The following THSD7A variants were observed in gnomAD, a reference collection of about 807,000 sequenced individuals.
THSD7A encodes thrombospondin type 1 domain containing 7A, also known as thrombospondin type-1 domain-containing protein 7A.
A neutral mutation model predicts 231.3 loss-of-function variants in THSD7A; 96 were observed. That is an observed-to-expected ratio of 0.41 (90% confidence interval 0.35 to 0.49). THSD7A has a LOEUF of 0.49. THSD7A is among the 20% of genes least tolerant of loss of function. THSD7A has a pLI of 0.05. For missense variants in THSD7A, 2,290 were observed against 2,070.2 expected (o/e 1.11, Z -2.06); for synonymous variants, 940 against 743.3 (o/e 1.26, Z -4.30).
intron 2 of THSD7A, among the ~76,000 whole-genome samples, chr7:11,628,878 G>T (rs1302985278): frequency 1.3e-5 from 2 of 152,074 alleles, no homozygotes; most frequent in Non-Finnish European, 2.9e-5. Flanking sequence ...AAACTCACAG[G>T]GGTTAATTCA....
Position 11,370,762 on chromosome 7 carries a change from ATAAT to A in THSD7A, c.*5028_*5031del, listed in dbSNP as rs1235189204. ...ACATAAAATACACATTTAGGGAATA[ATAAT>A]TTATAGAAAGACAGATTGCAAATTT... On this transcript the variant is annotated 3_prime_UTR_variant, in exon 28 of 28. Coordinates refer to ENST00000423059, the MANE Select transcript of THSD7A (RefSeq NM_015204.3). The A allele has an allele frequency of 1.3e-5, 2 of 152,218 alleles. No homozygotes were observed. The highest frequency in any genetic ancestry group is 2.9e-5 in the Non-Finnish European group (2 of 68,028). 9.4% of individuals were successfully genotyped at this position (152,218 alleles called of 1,614,324 possible).
At chr7:11,427,602 A>T (rs1053196175) in intron 14 of THSD7A, among the ~76,000 whole-genome samples, 1 of 152,198 alleles carries the variant, frequency 6.6e-6, no homozygotes, top group African/African-American at 2.4e-5. Context: ...ATACACGCTA[A>T]AGTGAAATAG....
intron 2 of THSD7A, among the ~76,000 whole-genome samples, chr7:11,611,822 ACACACAC>A (rs1780935207): frequency 7.1e-6 from 1 of 141,072 alleles, no homozygotes; most frequent in East Asian, 2.3e-4. Context: ...ACACACACAC[ACACACAC>A]ACTATCATCT....
chr7:11,689,438 A>C (rs1780163902), intron 1 of THSD7A, among the ~76,000 whole-genome samples: 1 of 151,988 alleles, frequency 6.6e-6, no homozygotes, highest in East Asian at 2.0e-4. Context: ...TGGCCTTGTC[A>C]TATTCTACAG....
intron 1 of THSD7A, among the ~76,000 whole-genome samples, chr7:11,789,158 AG>A (rs1179512330): frequency 6.6e-6 from 1 of 151,926 alleles, no homozygotes; most frequent in Non-Finnish European, 1.5e-5. Flanking sequence ...TCCAAGCAGA[AG>A]GAATTGCAAA....
In THSD7A at chr7:11,639,519, A is replaced by C. The variant is rs183705822; in HGVS notation, c.191-2558T>G. Among the ~76,000 whole-genome samples the C allele has an allele frequency of 9.8e-3, 1,490 of 152,094 alleles. 22 individuals are homozygous for C. Among genetic ancestry groups the C allele is most frequent in the African/African-American group, 0.033 (1,374 of 41,492 alleles). ...CCTGTCTGTACTAAAAATACAAAAA[A>C]TTAGCCAAGCGTGGTGGCGGGCGCT... On this transcript the variant is annotated intron_variant, in intron 1 of 27. Transcript: ENST00000423059.
chr7:11,511,585 G>A (rs1411576679), intron 6 of THSD7A, among the ~76,000 whole-genome samples: 2 of 152,070 alleles, frequency 1.3e-5, no homozygotes, highest in African/African-American at 2.4e-5. Flanking sequence ...CCAAAACAGA[G>A]ATATAGACCA....
In THSD7A at chr7:11,469,910, G is replaced by C. The variant is rs1375738558; in HGVS notation, c.2337C>G (p.Asp779Glu). The change falls in exon 9 of 28, where the codon GAC becomes GAG. Residue 779 changes from aspartate (D) to glutamate (E), a missense_variant. Asp to Glu is a conservative substitution (Grantham distance 45). Transcript: ENST00000423059. ...KKDCIVTPYS[D>E]WTSCPSSCKE... ...TACACGAAGAGGGGCATGATGTCCA[G>C]TCACTATATGGGGTCACAATACAGT... The C allele has an allele frequency of 6.2e-7, 1 of 1,601,544 alleles. No individual in the cohort carries two copies. The highest frequency in any genetic ancestry group is 8.5e-7 in the Non-Finnish European group (1 of 1,173,360).
rs1372051792 is a variant in THSD7A at position 11,474,582 on chromosome 7, CA to C, written c.2018-15del. Reference sequence around the variant, plus strand: ...AGCGAATTCCACCTAAAAACATGGACAATGATAGCAAATTAGATACGGTGCC... The same window carrying C: ...AGCGAATTCCACCTAAAAACATGGACATGATAGCAAATTAGATACGGTGCC... On this transcript the variant is annotated splice_polypyrimidine_tract_variant and intron_variant, in intron 7 of 27. Coordinates refer to ENST00000423059, the MANE Select transcript of THSD7A (RefSeq NM_015204.3). This position sits in a 1 kb window ranked among gnomAD's most constrained non-coding sequence, Gnocchi z 4.1. 2 of 1,575,552 alleles carry C rather than the reference CA, an allele frequency of 1.3e-6. No homozygotes were observed. The highest frequency in any genetic ancestry group is 4.6e-5 in the East Asian group (2 of 43,840).
At chr7:11,612,304 C>T (rs149763309) in intron 2 of THSD7A, among the ~76,000 whole-genome samples, 22 of 152,302 alleles carry the variant, frequency 1.4e-4, no homozygotes, top group African/African-American at 5.3e-4. Flanking sequence ...TCCCAGCTCT[C>T]ACTCTCTAGG....
At chr7:11,654,460 T>A (rs184727121) in intron 1 of THSD7A, among the ~76,000 whole-genome samples, 11 of 152,110 alleles carry the variant, frequency 7.2e-5, no homozygotes, top group Admixed American at 5.2e-4. Flanking sequence ...CACGACATTT[T>A]ATCTCTAACT....
At chr7:11,686,148 C>T (rs1359197129) in intron 1 of THSD7A, among the ~76,000 whole-genome samples, 1 of 151,762 alleles carries the variant, frequency 6.6e-6, no homozygotes, top group African/African-American at 2.4e-5. Context: ...TACATTTAGA[C>T]ATAAAGATGG....
At chr7:11,707,252 C>T (rs1308299960) in intron 1 of THSD7A, among the ~76,000 whole-genome samples, 1 of 150,834 alleles carries the variant, frequency 6.6e-6, no homozygotes, top group Non-Finnish European at 1.5e-5. Flanking sequence ...TCCCAAGTAG[C>T]TGTAAATCAC....
intron 17 of THSD7A, chr7:11,413,855 C>G (rs1474490359): frequency 6.6e-6 from 1 of 152,286 alleles, no homozygotes; most frequent in Non-Finnish European, 1.5e-5. Flanking sequence ...GTGCGCCCCT[C>G]AGAAGAATTC....
At chr7:11,584,497 G>GT (rs1791309096) in intron 4 of THSD7A, among the ~76,000 whole-genome samples, 1 of 151,976 alleles carries the variant, frequency 6.6e-6, no homozygotes, top group African/African-American at 2.4e-5. Flanking sequence ...TATAAAGGCT[G>GT]TTTTTTCGTG....
intron 6 of THSD7A, among the ~76,000 whole-genome samples, chr7:11,508,902 G>C (rs1177929970): frequency 6.6e-6 from 1 of 152,150 alleles, no homozygotes; most frequent in Non-Finnish European, 1.5e-5. Flanking sequence ...TAAATTCATA[G>C]AATCAAAGAG....
chr7:11,447,116 TA>T, intron 12 of THSD7A, 113 bp downstream of exon 12: 1 of 979,852 alleles, frequency 1.0e-6, no homozygotes, highest in Non-Finnish European at 1.5e-6. Flanking sequence ...AATATACATC[TA>T]AATCCATTGG....
intron 4 of THSD7A, among the ~76,000 whole-genome samples, chr7:11,551,613 T>A (rs369693996): frequency 6.6e-6 from 1 of 152,062 alleles, no homozygotes; most frequent in African/African-American, 2.4e-5. Flanking sequence ...ACATCACTAT[T>A]CATCAGAGAC....
At chr7:11,688,153 A>T (rs1780118845) in intron 1 of THSD7A, among the ~76,000 whole-genome samples, 1 of 149,188 alleles carries the variant, frequency 6.7e-6, no homozygotes, top group South Asian at 2.1e-4. Flanking sequence ...GAGTGAGAAC[A>T]TGCGGTGGTT....
Sources: allele counts gnomAD v4.1 joint callset (sites outside exome capture counted in the v4.1 genomes callset), GRCh38; gene constraint gnomAD v4.1.1; non-coding constraint Gnocchi (gnomAD v3.1); transcripts MANE v1.5; gene names NCBI Gene and HGNC (gene_info 2026-07-23, HGNC 2026-07-21).